Variants in CSMD1 observed in about 807,000 individuals in gnomAD.
CSMD1 encodes the protein CUB and sushi domain-containing protein 1.
CSMD1 carries 213 observed loss-of-function variants against 417.5 expected under a neutral mutation model. The observed-to-expected ratio is 0.51, with a 90% CI of 0.46 to 0.57. CSMD1 has a LOEUF of 0.57. Among genes scored for constraint, CSMD1 ranks in the 20% least tolerant of loss-of-function variants. CSMD1 has a pLI of 0.00. For missense variants in CSMD1, 6,923 were observed against 4,529.7 expected (o/e 1.53, Z -15.17); for synonymous variants, 2,862 against 1,736.8 (o/e 1.65, Z -16.11).
intron 12 of CSMD1, among the ~76,000 whole-genome samples, chr8:3,438,224 T>C (rs373062786): frequency 1.3e-5 from 2 of 152,188 alleles, no homozygotes; most frequent in South Asian, 4.1e-4. Context: ...TAAGAGGTAA[T>C]ACAAAGTTCT....
chr8:4,135,372 AAGTGGGAAAG>A (rs745441060), intron 3 of CSMD1, among the ~76,000 whole-genome samples: 1 of 41,884 alleles, frequency 2.4e-5, no homozygotes, highest in Non-Finnish European at 4.6e-5. Context: ...AGGAAGGGGA[AAGTGGGAAAG>A]AGGGGGAAGG....
intron 22 of CSMD1, among the ~76,000 whole-genome samples, chr8:3,344,533 G>A (rs192158919): frequency 5.3e-5 from 8 of 152,282 alleles, no homozygotes; most frequent in Non-Finnish European, 1.0e-4. Flanking sequence ...AGGTGGGCAC[G>A]GCTAATCCAC....
At chr8:4,422,344 A>T (rs529441510) in intron 2 of CSMD1, among the ~76,000 whole-genome samples, 2 of 152,110 alleles carry the variant, frequency 1.3e-5, no homozygotes, top group Non-Finnish European at 2.9e-5. Flanking sequence ...CCACCAATTC[A>T]TATACTGAAG....
At chr8:4,743,317 C>T (rs1159721960) in intron 1 of CSMD1, among the ~76,000 whole-genome samples, 1 of 152,100 alleles carries the variant, frequency 6.6e-6, no homozygotes, top group Non-Finnish European at 1.5e-5. Flanking sequence ...ATTTCCATTA[C>T]AATTCTGAAC....
In CSMD1 at chr8:2,996,994, G is replaced by A. The variant is rs552522919; in HGVS notation, c.8377+1017C>T. 1.4e-4 allele frequency among the ~76,000 whole-genome samples: 21 copies of A among 152,348 alleles called. No homozygotes were observed. The South Asian group carries it at 4.1e-3, about 30-fold the overall frequency. ...ACCTGGGGCTGACCAATGTCCCTGG[G>A]CTTCTTAAGCTGGGGTGGTTCCCTC... is the stretch of plus-strand genomic sequence containing the variant. On this transcript the variant is annotated intron_variant, in intron 54 of 69. Transcript: ENST00000635120.
In CSMD1 at chr8:4,709,821, T is replaced by C. The variant is rs73512999; in HGVS notation, c.86-72263A>G. Among the ~76,000 whole-genome samples the C allele has an allele frequency of 6.4e-3, 967 of 152,136 alleles. 12 individuals carry two copies. Among genetic ancestry groups the C allele is most frequent in the African/African-American group, 0.022 (922 of 41,480 alleles). On this transcript the variant is annotated intron_variant, in intron 1 of 69. Transcript: ENST00000635120. Reference sequence around the variant, plus strand: ...GGCAGGAGAGGAAAAGAGCACAGTGTCCAGTCGTCCCGCAGAGTAAAATAC... The same window carrying C: ...GGCAGGAGAGGAAAAGAGCACAGTGCCCAGTCGTCCCGCAGAGTAAAATAC...
chr8:4,582,746 G>A (rs1187148218), intron 2 of CSMD1, among the ~76,000 whole-genome samples: 2 of 152,226 alleles, frequency 1.3e-5, no homozygotes, highest in Non-Finnish European at 2.9e-5. Flanking sequence ...GAGCCCTTTG[G>A]CCCACCGCTG....
chr8:3,551,681 A>G (rs1388385202), intron 10 of CSMD1, among the ~76,000 whole-genome samples: 3 of 147,458 alleles, frequency 2.0e-5, no homozygotes, highest in African/African-American at 2.5e-5. Context: ...TTCTTACTCT[A>G]TGTAATAAAG....
chr8:3,189,052 G>A, intron 34 of CSMD1, 41 bp from the exon 35 acceptor site: 1 of 1,582,302 alleles, frequency 6.3e-7, no homozygotes. Flanking sequence ...AAGTGCTGTG[G>A]GACAGTGTTG....
chr8:3,436,436 T>A (rs1245753864), intron 12 of CSMD1, among the ~76,000 whole-genome samples: 1 of 152,214 alleles, frequency 6.6e-6, no homozygotes, highest in African/African-American at 2.4e-5. Flanking sequence ...CAGTTGCTAC[T>A]TACGTAATCC....
At chr8:3,140,011 TC>T (rs1818339325) in intron 41 of CSMD1, among the ~76,000 whole-genome samples, 1 of 151,622 alleles carries the variant, frequency 6.6e-6, no homozygotes, top group South Asian at 2.1e-4. Flanking sequence ...CAAGTGATTC[TC>T]CTGTCTCAGC....
chr8:4,567,241 A>G (rs564144780), intron 2 of CSMD1, among the ~76,000 whole-genome samples: 1 of 152,294 alleles, frequency 6.6e-6, no homozygotes, highest in South Asian at 2.1e-4. Flanking sequence ...AAGTGAGTGA[A>G]TGAATGGTTT....
chr8:3,098,537 C>G (rs1013814900), intron 46 of CSMD1, among the ~76,000 whole-genome samples: 1 of 152,088 alleles, frequency 6.6e-6, no homozygotes, highest in Non-Finnish European at 1.5e-5. Context: ...TTTAAAAATA[C>G]TTACAATGAT....
chr8:4,297,704 G>A (rs774177417), intron 3 of CSMD1, among the ~76,000 whole-genome samples: 1 of 152,102 alleles, frequency 6.6e-6, no homozygotes, highest in Admixed American at 6.6e-5. Context: ...CGGAGCCATC[G>A]GTGATCGCCT....
chr8:4,122,935 C>T (rs938765451), intron 3 of CSMD1, among the ~76,000 whole-genome samples: 1 of 152,316 alleles, frequency 6.6e-6, no homozygotes, highest in Middle Eastern at 3.4e-3. Flanking sequence ...ACGTTAAATT[C>T]TAGGCTACTG....
At chr8:3,798,539 G>A (rs1189332117) in intron 5 of CSMD1, among the ~76,000 whole-genome samples, 1 of 152,024 alleles carries the variant, frequency 6.6e-6, no homozygotes, top group Non-Finnish European at 1.5e-5. Flanking sequence ...AAGATCATAT[G>A]AAAACACTTT....
intron 3 of CSMD1, among the ~76,000 whole-genome samples, chr8:4,164,425 T>A (rs1002217925): frequency 1.3e-5 from 2 of 152,146 alleles, no homozygotes; most frequent in African/African-American, 4.8e-5. Context: ...CCTTGAGGGT[T>A]GCAGGTGACC....
chr8:4,306,506 C>T (rs2897796), intron 3 of CSMD1, among the ~76,000 whole-genome samples: 1 of 151,854 alleles, frequency 6.6e-6, no homozygotes, highest in Non-Finnish European at 1.5e-5. Flanking sequence ...ATTTCTAGAA[C>T]CACTGATATC....
intron 8 of CSMD1, among the ~76,000 whole-genome samples, chr8:3,590,344 T>C (rs1800793660): frequency 1.3e-5 from 2 of 152,300 alleles, no homozygotes; most frequent in South Asian, 2.1e-4. Flanking sequence ...ACTTAGGCTG[T>C]TTCTATTAGA....
Sources: allele counts gnomAD v4.1 joint callset (sites outside exome capture counted in the v4.1 genomes callset), GRCh38; gene constraint gnomAD v4.1.1; transcripts MANE v1.5; gene names NCBI Gene and HGNC (gene_info 2026-07-23, HGNC 2026-07-21).